Variants in NRXN3 observed in about 807,000 individuals in gnomAD.
NRXN3 encodes the protein neurexin 3.
A neutral mutation model predicts 137.6 loss-of-function variants in NRXN3; 32 were observed. The observed-to-expected ratio is 0.23, with a 90% CI of 0.18 to 0.31. NRXN3 has a LOEUF of 0.31. NRXN3 is among the 10% of genes least tolerant of loss of function. NRXN3 has a pLI of 1.00. For missense variants in NRXN3, 1,574 were observed against 2,062.5 expected (o/e 0.76, Z 4.59); for synonymous variants, 798 against 784.5 (o/e 1.02, Z -0.29).
chr14:79,522,612 A>G (rs772988706), intron 16 of NRXN3, among the ~76,000 whole-genome samples: 1 of 152,174 alleles, frequency 6.6e-6, no homozygotes, highest in African/African-American at 2.4e-5. Context: ...GTACCTCTGT[A>G]ATCTGTGAAC....
intron 4 of NRXN3, among the ~76,000 whole-genome samples, chr14:78,346,560 T>C (rs1264982007): frequency 6.6e-6 from 1 of 152,184 alleles, no homozygotes; most frequent in Non-Finnish European, 1.5e-5. Context: ...GGAAGTTAAA[T>C]GGCTTACATT....
At chr14:79,081,720 T>C (rs1396851003) in intron 15 of NRXN3, among the ~76,000 whole-genome samples, 1 of 151,836 alleles carries the variant, frequency 6.6e-6, no homozygotes, top group Non-Finnish European at 1.5e-5. Flanking sequence ...AATGCTCTTA[T>C]AGAGGTATGA....
At chr14:79,661,632 G>T (rs2098534324) in intron 16 of NRXN3, 2 of 152,064 alleles carry the variant, frequency 1.3e-5, no homozygotes, top group Non-Finnish European at 2.9e-5. Flanking sequence ...TGTATTTAAT[G>T]AATACATGAA....
At chr14:78,533,076 A>ATC (rs141206269) in intron 4 of NRXN3, among the ~76,000 whole-genome samples, 17 of 143,962 alleles carry the variant, frequency 1.2e-4, no homozygotes, top group Middle Eastern at 3.9e-3. Context: ...CCCAACTGAT[A>ATC]TCTCTCTCTC....
intron 4 of NRXN3, among the ~76,000 whole-genome samples, chr14:78,552,613 C>G (rs925411811): frequency 1.4e-4 from 22 of 152,146 alleles, no homozygotes; most frequent in Admixed American, 1.3e-3. Context: ...CTGCAGTGAC[C>G]TGTGATCACA....
At chr14:79,343,655 C>G (rs2092724798) in intron 15 of NRXN3, among the ~76,000 whole-genome samples, 1 of 152,172 alleles carries the variant, frequency 6.6e-6, no homozygotes, top group African/African-American at 2.4e-5. Context: ...CAACTGCTTT[C>G]CCTTTCAATT....
At chr14:79,245,112 G>A (rs1285626592) in intron 15 of NRXN3, among the ~76,000 whole-genome samples, 1 of 152,076 alleles carries the variant, frequency 6.6e-6, no homozygotes, top group Non-Finnish European at 1.5e-5. Flanking sequence ...GAAAGGTGAG[G>A]TTAATGATGC....
At chr14:78,943,006 C>T (rs1014761562) in intron 10 of NRXN3, among the ~76,000 whole-genome samples, 1 of 151,816 alleles carries the variant, frequency 6.6e-6, no homozygotes. Flanking sequence ...CTGAGAAATA[C>T]CCTAGAGGAA....
intron 15 of NRXN3, among the ~76,000 whole-genome samples, chr14:79,328,015 G>A (rs1190904904): frequency 1.3e-5 from 2 of 152,138 alleles, no homozygotes; most frequent in African/African-American, 4.8e-5. Context: ...TAGATGATGG[G>A]TTGATAGGTG....
chr14:78,305,452 T>G (rs1389377588), intron 4 of NRXN3, among the ~76,000 whole-genome samples: 2 of 152,164 alleles, frequency 1.3e-5, no homozygotes, highest in African/African-American at 2.4e-5. Context: ...ATTTTTCCCA[T>G]GTAGATTTGA....
At chr14:78,236,142 G>A (rs898679850) in intron 1 of NRXN3, among the ~76,000 whole-genome samples, 4 of 152,122 alleles carry the variant, frequency 2.6e-5, no homozygotes, top group African/African-American at 9.7e-5. Flanking sequence ...AGCATACATA[G>A]AGAAAAGCAC....
intron 16 of NRXN3, among the ~76,000 whole-genome samples, chr14:79,564,796 C>A (rs965806206): frequency 6.6e-6 from 1 of 152,060 alleles, no homozygotes; most frequent in Admixed American, 6.6e-5. Context: ...GGGAACAAAC[C>A]TGTCATACCT....
At chr14:79,401,217 C>T (rs1049583197) in intron 15 of NRXN3, among the ~76,000 whole-genome samples, 2 of 152,138 alleles carry the variant, frequency 1.3e-5, no homozygotes, top group South Asian at 2.1e-4. Flanking sequence ...TTAGGGAAGG[C>T]AGGAATGATC....
chr14:79,227,193 T>C (rs952134590), intron 15 of NRXN3, among the ~76,000 whole-genome samples: 1 of 152,142 alleles, frequency 6.6e-6, no homozygotes, highest in African/African-American at 2.4e-5. Context: ...ACGTAACACT[T>C]ATCATTGAGC....
intron 4 of NRXN3, among the ~76,000 whole-genome samples, chr14:78,496,816 A>C (rs527548818): frequency 6.6e-6 from 1 of 152,110 alleles, no homozygotes; most frequent in Non-Finnish European, 1.5e-5. Context: ...TGCAGGGAAG[A>C]GGGAGAAGTT....
intron 10 of NRXN3, among the ~76,000 whole-genome samples, chr14:78,924,584 A>C (rs1256412166): frequency 6.6e-6 from 1 of 152,162 alleles, no homozygotes; most frequent in Non-Finnish European, 1.5e-5. Flanking sequence ...GGCTGTGCTC[A>C]ATAAATTATT....
At chr14:78,498,059 A>G (rs1035861227) in intron 4 of NRXN3, among the ~76,000 whole-genome samples, 2 of 152,104 alleles carry the variant, frequency 1.3e-5, no homozygotes, top group African/African-American at 2.4e-5. Context: ...GGAGACGGGG[A>G]TATTTTTCTG....
intron 20 of NRXN3, among the ~76,000 whole-genome samples, chr14:79,850,842 GA>G (rs1347694425): frequency 1.3e-5 from 2 of 152,152 alleles, no homozygotes; most frequent in Non-Finnish European, 2.9e-5. Context: ...TTGTGTATGT[GA>G]ACTAATGGTT....
chr14:79,185,005 A>G (rs1025354116), intron 15 of NRXN3, among the ~76,000 whole-genome samples: 1 of 152,320 alleles, frequency 6.6e-6, no homozygotes, highest in Admixed American at 6.5e-5. Flanking sequence ...TTCACATCTC[A>G]GAATATTTTA....
Sources: gnomAD v4.1 joint callset for allele counts (sites outside exome capture counted in the v4.1 genomes callset) on GRCh38, gnomAD v4.1.1 for gene constraint, MANE v1.5 for transcripts, NCBI Gene and HGNC (gene_info 2026-07-23, HGNC 2026-07-21) for gene names.